Variants in TTC13 observed in about 807,000 individuals in gnomAD.
The protein encoded by TTC13 is tetratricopeptide repeat domain 13.
TTC13 carries 62 observed loss-of-function variants against 120.0 expected under a neutral mutation model. That is an observed-to-expected ratio of 0.52 (90% CI 0.42 to 0.64). The LOEUF (loss-of-function observed/expected upper bound fraction) is 0.64. Among genes scored for constraint, TTC13 ranks in the 30% least tolerant of loss-of-function variants. The pLI is 0.00. For synonymous variants in TTC13, 384 were observed against 393.5 expected, an observed-to-expected ratio of 0.98 and a Z score of 0.28; for missense variants, 824 against 1,050.2, an observed-to-expected ratio of 0.78 and a Z score of 2.98.
At chr1:230,908,407 C>A in intron 22 of TTC13, 1 of 479,722 alleles carries the variant, frequency 2.1e-6, no homozygotes. Flanking sequence ...CCAGGCTGGT[C>A]TCGAACTCCT....
chr1:230,911,220 T>C (rs1025181776), intron 20 of TTC13, among the ~76,000 whole-genome samples: 5 of 152,218 alleles, frequency 3.3e-5, no homozygotes, highest in African/African-American at 1.2e-4. Context: ...AAACTTTCCA[T>C]GAACTTGTGT....
chr1:230,916,121 A>G (rs1375238060), intron 18 of TTC13, 72 bp downstream of exon 18: 1 of 1,124,034 alleles, frequency 8.9e-7, no homozygotes, highest in Non-Finnish European at 1.4e-6. Flanking sequence ...ACAAAACTCT[A>G]TAGTGACAAT....
intron 8 of TTC13, chr1:230,936,598 C>A (rs1279454058): frequency 5.3e-6 from 1 of 190,124 alleles, no homozygotes; most frequent in Non-Finnish European, 1.1e-5. Flanking sequence ...TGGGAAGATC[C>A]AAAATGCCTG....
At chr1:230,958,861 TGTACACTGATAGCC>T (rs1676356188) in intron 2 of TTC13, among the ~76,000 whole-genome samples, 1 of 152,132 alleles carries the variant, frequency 6.6e-6, no homozygotes, top group Non-Finnish European at 1.5e-5. Flanking sequence ...GACATGGTGA[TGTACACTGATAGCC>T]CCAGCTACTT....
At chr1:230,971,969 G>A (rs1450363091) in intron 1 of TTC13, among the ~76,000 whole-genome samples, 1 of 152,212 alleles carries the variant, frequency 6.6e-6, no homozygotes, top group East Asian at 1.9e-4. Flanking sequence ...AACTCCACAG[G>A]GAATGCTGAA....
At chr1:230,943,938 T>C in intron 5 of TTC13, 40 bp from the exon 6 acceptor site, 4 of 1,480,316 alleles carry the variant, frequency 2.7e-6, no homozygotes, top group Non-Finnish European at 3.7e-6. Flanking sequence ...ATACTGTTAC[T>C]CAAAACCAGG....
intron 12 of TTC13, among the ~76,000 whole-genome samples, chr1:230,926,199 A>G (rs1003175509): frequency 3.3e-5 from 5 of 152,106 alleles, no homozygotes; most frequent in Non-Finnish European, 5.9e-5. Context: ...GACTTAGCAC[A>G]TAATGATACT....
At chr1:230,924,774 T>C in intron 14 of TTC13, 67 bp downstream of exon 14, 1 of 1,590,096 alleles carries the variant, frequency 6.3e-7, no homozygotes, top group Non-Finnish European at 8.6e-7. Context: ...GCCTGTTAGC[T>C]AAAACAGACT....
At chr1:230,955,636 A>G (rs1029115445) in intron 3 of TTC13, among the ~76,000 whole-genome samples, 1 of 143,190 alleles carries the variant, frequency 7.0e-6, no homozygotes, top group Non-Finnish European at 1.5e-5. Context: ...GCGCCACTGC[A>G]CTCCAGCCTG....
chr1:230,962,535 T>C (rs573312364), intron 1 of TTC13, among the ~76,000 whole-genome samples: 4 of 152,066 alleles, frequency 2.6e-5, no homozygotes, highest in Non-Finnish European at 4.4e-5. Context: ...TTATGGAAAA[T>C]AGTTCCTTAA....
intron 20 of TTC13, among the ~76,000 whole-genome samples, chr1:230,910,847 C>T (rs1671431413): frequency 6.6e-6 from 1 of 152,234 alleles, no homozygotes; most frequent in Admixed American, 6.5e-5. Context: ...AAGATAAAGA[C>T]ATTCAAGTGT....
intron 11 of TTC13, among the ~76,000 whole-genome samples, 180 bp from the exon 12 acceptor site, chr1:230,929,273 G>C (rs1673325541): frequency 6.6e-6 from 1 of 151,708 alleles, no homozygotes; most frequent in African/African-American, 2.4e-5. Flanking sequence ...ACTGACTTGA[G>C]ATAACAAGGT....
rs1442214904 is a variant in TTC13 at position 230,978,209 on chromosome 1, G to A, written c.271+351C>T. Among the ~76,000 whole-genome samples, 1 of 152,162 alleles carries A rather than the reference G, an allele frequency of 6.6e-6. No individual in the cohort carries two copies. Among genetic ancestry groups the A allele is most frequent in the Non-Finnish European group, 1.5e-5 (1 of 68,004 alleles). ...CCTCCCTCGCCCCTTCGGCATCCTCGGGAGGCCGGCGGCGGGAACAGGGCT... is the reference window on the plus strand; with the variant it reads ...CCTCCCTCGCCCCTTCGGCATCCTCAGGAGGCCGGCGGCGGGAACAGGGCT... On this transcript the variant is annotated intron_variant, in intron 1 of 22. Coordinates refer to ENST00000366661, the MANE Select transcript of TTC13 (RefSeq NM_024525.5). This position sits in a 1 kb window ranked among gnomAD's most constrained non-coding sequence, Gnocchi z 5.6.
At chr1:230,966,572 T>C (rs1462187147) in intron 1 of TTC13, among the ~76,000 whole-genome samples, 1 of 152,222 alleles carries the variant, frequency 6.6e-6, no homozygotes, top group Non-Finnish European at 1.5e-5. Context: ...TAGCCTCTAC[T>C]GAGCAAAACC....
intron 1 of TTC13, among the ~76,000 whole-genome samples, chr1:230,967,869 T>C (rs999021033): frequency 5.9e-5 from 9 of 152,216 alleles, no homozygotes; most frequent in Non-Finnish European, 7.3e-5. Flanking sequence ...AAGCATTAGT[T>C]TTCTTCCTTG....
intron 1 of TTC13, among the ~76,000 whole-genome samples, chr1:230,967,153 T>G (rs540255301): frequency 1.3e-5 from 2 of 148,152 alleles, no homozygotes; most frequent in Non-Finnish European, 3.0e-5. Context: ...TTTTAAAATA[T>G]TTATATTAAT....
At chr1:230,913,121 T>C (rs548201205) in intron 18 of TTC13, among the ~76,000 whole-genome samples, 2 of 152,262 alleles carry the variant, frequency 1.3e-5, no homozygotes, top group South Asian at 4.1e-4. Flanking sequence ...GGATTAAAGG[T>C]CAGAAGCAAG....
At chr1:230,962,398 G>T (rs1676728837) in intron 1 of TTC13, among the ~76,000 whole-genome samples, 1 of 151,946 alleles carries the variant, frequency 6.6e-6, no homozygotes. Context: ...CCACAATAAG[G>T]TACCTCTTCA....
At chr1:230,923,684 G>C (rs972790540) in intron 15 of TTC13, among the ~76,000 whole-genome samples, 157 bp downstream of exon 15, 1 of 152,132 alleles carries the variant, frequency 6.6e-6, no homozygotes, top group African/African-American at 2.4e-5. Flanking sequence ...TAGAGGAAAG[G>C]AATGCAGGCA....
Sources: allele counts gnomAD v4.1 joint callset (sites outside exome capture counted in the v4.1 genomes callset), GRCh38; gene constraint gnomAD v4.1.1; non-coding constraint Gnocchi (gnomAD v3.1); transcripts MANE v1.5; gene names NCBI Gene and HGNC (gene_info 2026-07-23, HGNC 2026-07-21).